Variants in NUMB observed in about 807,000 individuals in gnomAD.
The protein encoded by NUMB is protein numb homolog.
NUMB carries 29 observed loss-of-function variants against 59.7 expected under a neutral mutation model. The ratio of observed to expected loss-of-function variants is 0.49; its 90% CI spans 0.36 to 0.66. The LOEUF is 0.66. Among genes scored for constraint, NUMB ranks in the 30% least tolerant of loss-of-function variants. The probability of loss-of-function intolerance (pLI) is 0.00; values close to 1 mark genes in which losing one functional copy is unlikely to be tolerated. For missense variants in NUMB, 723 were observed against 822.0 expected (o/e 0.88, Z 1.47); for synonymous variants, 288 against 288.2 (o/e 1.00, Z 0.01).
At chr14:73,442,052 A>C (rs1883104059) in intron 1 of NUMB, among the ~76,000 whole-genome samples, 1 of 151,844 alleles carries the variant, frequency 6.6e-6, no homozygotes, top group South Asian at 2.1e-4. Flanking sequence ...GCATATACAC[A>C]AAAACAATGA....
At chr14:73,334,876 G>C (rs1328875877) in intron 4 of NUMB, among the ~76,000 whole-genome samples, 1 of 151,280 alleles carries the variant, frequency 6.6e-6, no homozygotes, top group South Asian at 2.1e-4. Flanking sequence ...TTGAACCTGG[G>C]AGGCGGAGGT....
intron 1 of NUMB, among the ~76,000 whole-genome samples, chr14:73,434,162 T>G (rs962526078): frequency 2.0e-5 from 3 of 152,154 alleles, no homozygotes; most frequent in Admixed American, 6.6e-5. Context: ...AACAACAAAG[T>G]AAAACTGACT....
rs144578306 is a variant in NUMB at position 73,427,666 on chromosome 14, T to C, written c.-232-17598A>G. On this transcript the variant is annotated intron_variant, in intron 1 of 12. Transcript: ENST00000555238. ...GACAGTGAAAGCCAGTTCTCAAGTATAGAAGACAACTAAAGCTGCTGTTAT... is the reference window on the plus strand; with the variant it reads ...GACAGTGAAAGCCAGTTCTCAAGTACAGAAGACAACTAAAGCTGCTGTTAT... Among the ~76,000 whole-genome samples, 73 of 152,216 alleles carry C rather than the reference T, an allele frequency of 4.8e-4. 1 individual carries two copies. In the East Asian group the frequency reaches 0.012, roughly 24 times the overall value.
At chr14:73,387,213 G>A (rs1227826759) in intron 2 of NUMB, among the ~76,000 whole-genome samples, 1 of 152,052 alleles carries the variant, frequency 6.6e-6, no homozygotes, top group Non-Finnish European at 1.5e-5. Flanking sequence ...ACATGGTTTG[G>A]CTGTGTCCTT....
rs780900163 is a variant in NUMB, at chr14:73,323,165, G to A, written c.166C>T (p.His56Tyr). The A allele has an allele frequency of 1.9e-6, 3 of 1,613,624 alleles. No homozygotes were observed. In the South Asian group the frequency reaches 3.3e-5, roughly 18 times the overall value. ...HVEVDESRGM[H>Y]ICEDAVKRLK... ...CTTTTTACAGCATCTTCACAGATGT[G>A]CATTCCTCTTGATTCATCAACTTCT... The change falls in exon 5 of 13, where the codon CAC (histidine) becomes TAC (tyrosine). Residue 56 changes from histidine (H) to tyrosine (Y), a missense_variant. Physicochemically the swap from His to Tyr is moderately conservative, Grantham distance 83. Coordinates refer to ENST00000555238, the MANE Select transcript of NUMB (RefSeq NM_001005743.2).
intron 1 of NUMB, among the ~76,000 whole-genome samples, chr14:73,412,039 C>T (rs1482929613): frequency 1.3e-5 from 2 of 151,490 alleles, no homozygotes; most frequent in East Asian, 3.9e-4. Flanking sequence ...ATCCTCCCAC[C>T]TCAGCCTCCC....
intron 2 of NUMB, among the ~76,000 whole-genome samples, chr14:73,399,532 C>T (rs763203644): frequency 4.6e-5 from 7 of 151,972 alleles, no homozygotes; most frequent in Non-Finnish European, 8.8e-5. Flanking sequence ...CATTGCACTC[C>T]AGCCTGGGCG....
At chr14:73,280,369 A>C (rs1888535026) in intron 11 of NUMB, among the ~76,000 whole-genome samples, 1 of 151,524 alleles carries the variant, frequency 6.6e-6, no homozygotes, top group African/African-American at 2.4e-5. Flanking sequence ...AATTTGCTAC[A>C]CAATTAATTT....
intron 2 of NUMB, among the ~76,000 whole-genome samples, chr14:73,385,184 G>A (rs1895445072): frequency 6.6e-6 from 1 of 151,684 alleles, no homozygotes; most frequent in African/African-American, 2.4e-5. Flanking sequence ...TTTTTTTAGA[G>A]ACAGGGTCTC....
chr14:73,310,812 A>G (rs768480050), intron 6 of NUMB, among the ~76,000 whole-genome samples: 1 of 152,206 alleles, frequency 6.6e-6, no homozygotes, highest in South Asian at 2.1e-4. Context: ...TGGCCTAAGA[A>G]TATTTCCTGT....
At chr14:73,304,357 C>T (rs1890309277) in intron 6 of NUMB, among the ~76,000 whole-genome samples, 1 of 152,100 alleles carries the variant, frequency 6.6e-6, no homozygotes, top group South Asian at 2.1e-4. Context: ...GACACCCAGG[C>T]TGGAGCACAG....
intron 4 of NUMB, among the ~76,000 whole-genome samples, chr14:73,349,362 C>T (rs1447390447): frequency 8.6e-5 from 13 of 151,268 alleles, no homozygotes; most frequent in Non-Finnish European, 7.4e-5. Context: ...CCAAGGTGGG[C>T]GGATCATCTG....
At chr14:73,386,867 AT>A (rs71112745) in intron 2 of NUMB, among the ~76,000 whole-genome samples, 557 of 79,694 alleles carry the variant, frequency 7.0e-3, no homozygotes, top group African/African-American at 0.019. Context: ...CAGGTGTCTT[AT>A]TTTTTTTTTT....
intron 4 of NUMB, among the ~76,000 whole-genome samples, chr14:73,341,256 TGGTG>T (rs934795198): frequency 5.3e-5 from 8 of 152,166 alleles, no homozygotes; most frequent in African/African-American, 1.9e-4. Flanking sequence ...TTATTTTACG[TGGTG>T]GGGAATCAAG....
intron 3 of NUMB, among the ~76,000 whole-genome samples, chr14:73,365,861 A>G (rs541455462): frequency 3.3e-5 from 5 of 152,344 alleles, no homozygotes; most frequent in African/African-American, 1.2e-4. Flanking sequence ...GTATGAGAAA[A>G]GAATACATGA....
At chr14:73,374,362 T>C (rs1894848501) in intron 2 of NUMB, among the ~76,000 whole-genome samples, 1 of 150,364 alleles carries the variant, frequency 6.7e-6, no homozygotes, top group Non-Finnish European at 1.5e-5. Flanking sequence ...TGAAAGTCAC[T>C]GGCAAAGAAG....
intron 4 of NUMB, among the ~76,000 whole-genome samples, chr14:73,323,974 T>C (rs1891534303): frequency 6.6e-6 from 1 of 152,146 alleles, no homozygotes; most frequent in African/African-American, 2.4e-5. Flanking sequence ...ACCTCCTGAC[T>C]CTAACTCCTC....
rs558570822 is a variant in NUMB at position 73,397,014 on chromosome 14, C to T, written c.-101+12923G>A. Among the ~76,000 whole-genome samples the T allele has an allele frequency of 5.9e-5, 9 of 152,168 alleles. No homozygotes were observed. The South Asian group carries it at 1.2e-3, about 21-fold the overall frequency. ...TGGCGCACACCTGTAATTCCAGCTG[C>T]TCAGGAGGCTAAGACAGGAGAAACA... On this transcript the variant is annotated intron_variant, in intron 2 of 12. Coordinates refer to ENST00000555238, the MANE Select transcript of NUMB (RefSeq NM_001005743.2).
chr14:73,353,690 G>C (rs1239090251), intron 4 of NUMB, among the ~76,000 whole-genome samples: 1 of 151,360 alleles, frequency 6.6e-6, no homozygotes, highest in African/African-American at 2.4e-5. Context: ...CTTTGCAACA[G>C]AGCGAGACTC....
Sources: allele counts gnomAD v4.1 joint callset (sites outside exome capture counted in the v4.1 genomes callset), GRCh38; gene constraint gnomAD v4.1.1; transcripts MANE v1.5; gene names NCBI Gene and HGNC (gene_info 2026-07-23, HGNC 2026-07-21).